The following TYW1 variants were observed in gnomAD, a reference collection of about 807,000 sequenced individuals.
The protein encoded by TYW1 is tRNA-yW synthesizing protein 1 homolog, also known as S-adenosyl-L-methionine-dependent tRNA 4-demethylwyosine synthase TYW1.
A neutral mutation model predicts 96.2 loss-of-function variants in TYW1; 46 were observed. The observed-to-expected ratio is 0.48, with a 90% CI of 0.38 to 0.61. The LOEUF (loss-of-function observed/expected upper bound fraction) is 0.61. TYW1 is among the 20% of genes least tolerant of loss of function. TYW1 has a pLI of 0.00. For synonymous variants in TYW1, 274 were observed against 323.0 expected, an observed-to-expected ratio of 0.85 and a Z score of 1.63; for missense variants, 684 against 909.6, an observed-to-expected ratio of 0.75 and a Z score of 3.19.
intron 13 of TYW1, among the ~76,000 whole-genome samples, chr7:67,181,698 G>C (rs1799847515): frequency 6.6e-6 from 1 of 151,876 alleles, no homozygotes; most frequent in Admixed American, 6.6e-5. Flanking sequence ...ATTTGCTACA[G>C]ATGCATGTAA....
chr7:67,142,153 T>C (rs1298540765), intron 13 of TYW1, among the ~76,000 whole-genome samples: 1 of 152,190 alleles, frequency 6.6e-6, no homozygotes, highest in Admixed American at 6.6e-5. Flanking sequence ...TGGAGTGCAG[T>C]GGCACAATCA....
At chr7:67,119,193 C>A (rs1797689651) in intron 13 of TYW1, among the ~76,000 whole-genome samples, 1 of 151,906 alleles carries the variant, frequency 6.6e-6, no homozygotes, top group Non-Finnish European at 1.5e-5. Flanking sequence ...TGACATTTGA[C>A]TGATAATGAC....
intron 13 of TYW1, among the ~76,000 whole-genome samples, chr7:67,163,633 ACT>A (rs1799232634): frequency 6.9e-6 from 1 of 145,656 alleles, no homozygotes; most frequent in Non-Finnish European, 1.5e-5. Flanking sequence ...TGTCTTTTCT[ACT>A]CTCTGCCAAA....
intron 15 of TYW1, among the ~76,000 whole-genome samples, chr7:67,205,265 GC>G (rs1712275777): frequency 6.6e-6 from 1 of 152,102 alleles, no homozygotes; most frequent in African/African-American, 2.4e-5. Context: ...CCTTGTTACT[GC>G]CAAGTAGGGG....
At chr7:67,090,854 C>T (rs1276080928) in intron 11 of TYW1, among the ~76,000 whole-genome samples, 1 of 152,114 alleles carries the variant, frequency 6.6e-6, no homozygotes, top group Non-Finnish European at 1.5e-5. Context: ...CAAATCAAAA[C>T]CACAGTAAGA....
chr7:67,002,448 T>G (rs1338538398), intron 3 of TYW1, among the ~76,000 whole-genome samples: 1 of 152,196 alleles, frequency 6.6e-6, no homozygotes, highest in Non-Finnish European at 1.5e-5. Flanking sequence ...TGTAGAAGAC[T>G]ATTAAAAACT....
chr7:67,183,029 C>T (rs907648530), intron 13 of TYW1, 97 bp from the exon 14 acceptor site: 21 of 1,026,198 alleles, frequency 2.0e-5, no homozygotes, highest in Non-Finnish European at 2.7e-5. Flanking sequence ...TTTTGCCTGC[C>T]CTGGGTTCTC....
Position 67,029,415 on chromosome 7 carries a change from G to GTGTGTGTGTGTA in TYW1, c.984+4394_984+4395insGTGTGTGTGTAT, listed in dbSNP as rs1241213574. Among the ~76,000 whole-genome samples the GTGTGTGTGTGTA allele has an allele frequency of 4.1e-4, 39 of 94,348 alleles. 2 individuals are homozygous for GTGTGTGTGTGTA. Among genetic ancestry groups the GTGTGTGTGTGTA allele is most frequent in the Non-Finnish European group, 5.5e-4 (25 of 45,218 alleles). 61.9% of individuals were successfully genotyped at this position (94,348 alleles called of 152,430 possible). Reference sequence around the variant, plus strand: ...TGTGTGTGTGTGTGTGTGTGTGTGTGTATATATATATATATATAAATAGTA... The same window carrying GTGTGTGTGTGTA: ...TGTGTGTGTGTGTGTGTGTGTGTGTGTGTGTGTGTGTATATATATATATATATATAAATAGTA... On this transcript the variant is annotated intron_variant, in intron 7 of 15. Coordinates refer to ENST00000359626, the MANE Select transcript of TYW1 (RefSeq NM_018264.4).
Position 67,164,608 on chromosome 7 carries a change from C to CAA in TYW1, c.1699-18502_1699-18501dup, listed in dbSNP as rs68160921. On this transcript the variant is annotated intron_variant, in intron 13 of 15. Transcript: ENST00000359626. ...CCTGGGCAACAGAGCAAAACTGTCT[C>CAA]AAAAAAAAAAAAAAAAAGTTACCCC... Among the ~76,000 whole-genome samples, 758 of 113,840 alleles carry CAA rather than the reference C, an allele frequency of 6.7e-3. 9 individuals are homozygous for CAA. The highest frequency in any genetic ancestry group is 0.019 in the African/African-American group (626 of 32,790). The allele number at this position is 113,840 out of a possible 152,430, so 74.7% of individuals were successfully genotyped here. A position where few individuals can be genotyped will look rare whatever the true frequency, so the allele number is the denominator to read the frequency against.
At chr7:67,153,518 A>G (rs966465346) in intron 13 of TYW1, among the ~76,000 whole-genome samples, 10 of 152,266 alleles carry the variant, frequency 6.6e-5, no homozygotes, top group African/African-American at 1.2e-4. Context: ...TTGTACATAC[A>G]TAGCCATATT....
intron 14 of TYW1, among the ~76,000 whole-genome samples, chr7:67,190,694 C>T (rs1490306359): frequency 6.6e-6 from 1 of 152,118 alleles, no homozygotes. Flanking sequence ...AGGCCTCGTG[C>T]CGTGGTGAGA....
chr7:67,205,777 C>A (rs1182890329), intron 15 of TYW1, among the ~76,000 whole-genome samples: 1 of 149,908 alleles, frequency 6.7e-6, no homozygotes, highest in Non-Finnish European at 1.5e-5. Flanking sequence ...CCTAAGAGAG[C>A]AGCCTTTACT....
chr7:67,214,152 C>T (rs531524764), intron 15 of TYW1, among the ~76,000 whole-genome samples: 1 of 152,126 alleles, frequency 6.6e-6, no homozygotes, highest in South Asian at 2.1e-4. Context: ...GGAATATCCT[C>T]CCATTTACTG....
rs2949097 is a variant in TYW1 at position 67,195,255 on chromosome 7, A to G, written c.1895A>G (p.His632Arg). The G allele has an allele frequency of 0.19, 266,471 of 1,369,480 alleles. 48,607 individuals carry two copies. The highest frequency in any genetic ancestry group is 0.41 in the African/African-American group (26,540 of 64,910). 84.8% of individuals were successfully genotyped at this position (1,369,480 alleles called of 1,614,324 possible). A position where few individuals can be genotyped will look rare whatever the true frequency, so the allele number is the denominator to read the frequency against. ...PWHEEVVQFVHELVDLIPEYE... is the reference protein window; with the variant it reads ...PWHEEVVQFVRELVDLIPEYE... Reference sequence around the variant, plus strand: ...CATGAGGAAGTGGTACAGTTTGTCCACGAGTTGGTGGATCTGATCCCCGAA... The same window carrying G: ...CATGAGGAAGTGGTACAGTTTGTCCGCGAGTTGGTGGATCTGATCCCCGAA... Residue 632 changes from histidine to arginine, a missense_variant, in exon 15 of 16, where the codon CAC (histidine) becomes CGC (arginine). Physicochemically the swap from His to Arg is conservative, Grantham distance 29. Coordinates refer to ENST00000359626, the MANE Select transcript of TYW1 (RefSeq NM_018264.4).
intron 14 of TYW1, among the ~76,000 whole-genome samples, chr7:67,186,128 C>A (rs1800008729): frequency 6.9e-6 from 1 of 144,606 alleles, no homozygotes; most frequent in East Asian, 1.9e-4. Context: ...CAAACCTTGC[C>A]AACATCAGAG....
chr7:67,139,691 C>T (rs576445780), intron 13 of TYW1, among the ~76,000 whole-genome samples: 40 of 150,626 alleles, frequency 2.7e-4, no homozygotes, highest in African/African-American at 4.2e-4. Flanking sequence ...CCCAGAAATA[C>T]AGAAGGCTAA....
chr7:67,239,184 G>A lies in TYW1; in HGVS notation c.*655G>A. On this transcript the variant is annotated 3_prime_UTR_variant, in exon 16 of 16. Transcript: ENST00000359626. Reference sequence around the variant, plus strand: ...AAATTACCACAGACCGCAGTACCGGGGCTGGAGCGGAGTGAAGCTGTCTGC... The same window carrying A: ...AAATTACCACAGACCGCAGTACCGGAGCTGGAGCGGAGTGAAGCTGTCTGC... 1.2e-5 allele frequency: 12 copies of A among 985,704 alleles called. No individual in the cohort carries two copies. The highest frequency in any genetic ancestry group is 1.4e-5 in the Non-Finnish European group (12 of 830,134). The allele number at this position is 985,704 out of a possible 1,614,324, so 61.1% of individuals were successfully genotyped here. A position where few individuals can be genotyped will look rare whatever the true frequency, so the allele number is the denominator to read the frequency against.
intron 15 of TYW1, among the ~76,000 whole-genome samples, chr7:67,213,976 A>G (rs1259085406): frequency 6.6e-6 from 1 of 152,112 alleles, no homozygotes; most frequent in East Asian, 1.9e-4. Context: ...CTTCTTCACT[A>G]TTATGTTGGC....
chr7:67,012,198 A>G (rs1368843146), intron 4 of TYW1, among the ~76,000 whole-genome samples: 1 of 151,958 alleles, frequency 6.6e-6, no homozygotes, highest in Non-Finnish European at 1.5e-5. Context: ...TTAAAAATAG[A>G]AAAATTAGCC....
Sources: allele counts gnomAD v4.1 joint callset (sites outside exome capture counted in the v4.1 genomes callset), GRCh38; gene constraint gnomAD v4.1.1; transcripts MANE v1.5; gene names NCBI Gene and HGNC (gene_info 2026-07-23, HGNC 2026-07-21).